The following CRYBG1 variants were observed in gnomAD, a reference collection of about 807,000 sequenced individuals.
CRYBG1 encodes beta/gamma crystallin domain-containing protein 1.
A neutral mutation model predicts 189.2 loss-of-function variants in CRYBG1; 139 were observed. The observed-to-expected ratio is 0.73, with a 90% confidence interval of 0.64 to 0.85. The LOEUF (loss-of-function observed/expected upper bound fraction) is 0.85. CRYBG1 is among the 40% of genes least tolerant of loss of function. The pLI is 0.00. For missense variants in CRYBG1, 2,611 were observed against 2,675.8 expected (o/e 0.98, Z 0.53); for synonymous variants, 1,023 against 1,017.1 (o/e 1.01, Z -0.11).
intron 8 of CRYBG1, among the ~76,000 whole-genome samples, chr6:106,538,892 CA>C (rs56951856): frequency 9.5e-5 from 14 of 147,132 alleles, no homozygotes; most frequent in South Asian, 2.2e-4. Context: ...AAGACTCCGT[CA>C]AAAAAAAAAA....
At chr6:106,531,322 C>A (rs1435404274) in intron 8 of CRYBG1, among the ~76,000 whole-genome samples, 1 of 152,190 alleles carries the variant, frequency 6.6e-6, no homozygotes, top group East Asian at 1.9e-4. Flanking sequence ...TTCTAGGCAA[C>A]TTAACAGGAA....
chr6:106,537,001 A>G (rs1022223577), intron 8 of CRYBG1, among the ~76,000 whole-genome samples: 4 of 152,212 alleles, frequency 2.6e-5, no homozygotes, highest in African/African-American at 9.6e-5. Context: ...ATTACCCAGC[A>G]GGCCTTCAGC....
intron 1 of CRYBG1, among the ~76,000 whole-genome samples, chr6:106,385,260 G>A (rs1180173590): frequency 6.6e-6 from 1 of 152,138 alleles, no homozygotes; most frequent in Non-Finnish European, 1.5e-5. Flanking sequence ...TCCTCTCAGA[G>A]CTGCTCAAAC....
chr6:106,433,794 C>G lies in CRYBG1; in HGVS notation c.174-17900C>G, dbSNP rs1049533013. On this transcript the variant is annotated intron_variant, in intron 1 of 21. Transcript: ENST00000633556. ...ATATGTATATATATATAAACATACA[C>G]ACACATACATATACATACATAAATA... Among the ~76,000 whole-genome samples the G allele has an allele frequency of 5.9e-4, 80 of 135,432 alleles. 1 individual carries two copies. The highest frequency in any genetic ancestry group is 2.2e-3 in the African/African-American group (74 of 34,410). 88.8% of individuals were successfully genotyped at this position (135,432 alleles called of 152,430 possible).
At chr6:106,440,299 C>T (rs972100624) in intron 1 of CRYBG1, among the ~76,000 whole-genome samples, 8 of 151,478 alleles carry the variant, frequency 5.3e-5, no homozygotes, top group Non-Finnish European at 1.2e-4. Context: ...GAGTCTCTCT[C>T]TGTCACCCAG....
chr6:106,467,719 T>G (rs1469272896), intron 2 of CRYBG1, among the ~76,000 whole-genome samples: 1 of 152,174 alleles, frequency 6.6e-6, no homozygotes, highest in Non-Finnish European at 1.5e-5. Flanking sequence ...CTTACTTTTT[T>G]TTTTGTAAAT....
chr6:106,436,145 CTTA>C (rs1282669369), intron 1 of CRYBG1, among the ~76,000 whole-genome samples: 2 of 150,786 alleles, frequency 1.3e-5, no homozygotes, highest in Non-Finnish European at 2.9e-5. Context: ...AAATGTTTTT[CTTA>C]TTATAAGAGA....
At chr6:106,545,479 A>C (rs1280560903) in intron 13 of CRYBG1, among the ~76,000 whole-genome samples, 3 of 152,236 alleles carry the variant, frequency 2.0e-5, no homozygotes, top group African/African-American at 7.2e-5. Context: ...AAATTGGCTC[A>C]AGGGATTAAA....
intron 1 of CRYBG1, among the ~76,000 whole-genome samples, chr6:106,419,285 G>A (rs532820434): frequency 9.8e-5 from 15 of 152,308 alleles, no homozygotes; most frequent in Admixed American, 3.3e-4. Flanking sequence ...CCTTACCAAG[G>A]ACTTTCGTAC....
chr6:106,367,822 C>T (rs9386531), intron 1 of CRYBG1, among the ~76,000 whole-genome samples: 3,234 of 148,950 alleles, frequency 0.022, 66 homozygotes, highest in South Asian at 0.079. Context: ...AAAAAATTAG[C>T]CAGGTGTGGT....
chr6:106,537,787 A>G (rs1431378955), intron 8 of CRYBG1, among the ~76,000 whole-genome samples: 1 of 152,178 alleles, frequency 6.6e-6, no homozygotes, highest in Non-Finnish European at 1.5e-5. Context: ...CTAACACTGT[A>G]GTTCTGACCT....
intron 1 of CRYBG1, among the ~76,000 whole-genome samples, chr6:106,439,639 G>T (rs1413676815): frequency 6.6e-6 from 1 of 151,902 alleles, no homozygotes; most frequent in Non-Finnish European, 1.5e-5. Context: ...TATTTTCTTG[G>T]GACAGAATGC....
chr6:106,366,123 G>A (rs1771994018), intron 1 of CRYBG1, among the ~76,000 whole-genome samples: 5 of 152,324 alleles, frequency 3.3e-5, no homozygotes, highest in Admixed American at 3.3e-4. Flanking sequence ...TTCTGGAACT[G>A]TAGAGTGTTA....
At chr6:106,421,844 G>A (rs1254461124) in intron 1 of CRYBG1, among the ~76,000 whole-genome samples, 2 of 152,140 alleles carry the variant, frequency 1.3e-5, no homozygotes, top group East Asian at 3.9e-4. Context: ...CATGGTGGAA[G>A]GCAAGGAGGA....
At chr6:106,535,187 A>G (rs1284213421) in intron 8 of CRYBG1, among the ~76,000 whole-genome samples, 1 of 152,188 alleles carries the variant, frequency 6.6e-6, no homozygotes, top group Non-Finnish European at 1.5e-5. Flanking sequence ...ATTGCTGCCC[A>G]CCGTGGTTAC....
At chr6:106,568,244 AGGTGCT>A (rs1391606223) in intron 21 of CRYBG1, among the ~76,000 whole-genome samples, 6 of 152,322 alleles carry the variant, frequency 3.9e-5, no homozygotes, top group Non-Finnish European at 5.9e-5. Flanking sequence ...TCCTGTGTGA[AGGTGCT>A]GGTGCCCCAA....
At chr6:106,527,813 G>C (rs966902092) in intron 7 of CRYBG1, among the ~76,000 whole-genome samples, 9 of 152,004 alleles carry the variant, frequency 5.9e-5, no homozygotes, top group African/African-American at 2.2e-4. Flanking sequence ...TATGAGTTCT[G>C]ATTACTTTGA....
intron 1 of CRYBG1, among the ~76,000 whole-genome samples, chr6:106,400,832 G>A (rs1319814781): frequency 6.6e-6 from 1 of 152,160 alleles, no homozygotes; most frequent in Non-Finnish European, 1.5e-5. Context: ...AAAGTCAGAG[G>A]TTTCACAAAA....
intron 2 of CRYBG1, among the ~76,000 whole-genome samples, chr6:106,495,936 AT>A (rs575629113): frequency 5.9e-5 from 9 of 151,340 alleles, no homozygotes; most frequent in African/African-American, 1.9e-4. Context: ...GAGAGTAAGG[AT>A]TGATTTTTAT....
Sources: allele counts gnomAD v4.1 joint callset (sites outside exome capture counted in the v4.1 genomes callset), GRCh38; gene constraint gnomAD v4.1.1; transcripts MANE v1.5; gene names NCBI Gene and HGNC (gene_info 2026-07-23, HGNC 2026-07-21).